The following TEC variants were observed in gnomAD, a reference collection of about 807,000 sequenced individuals.
The protein encoded by TEC is tec protein tyrosine kinase.
TEC carries 72 observed loss-of-function variants against 93.0 expected under a neutral mutation model. The ratio of observed to expected loss-of-function variants is 0.77; its 90% CI spans 0.64 to 0.94. The LOEUF (loss-of-function observed/expected upper bound fraction) is 0.94. TEC is among the 40% of genes least tolerant of loss of function. The pLI is 0.00. For synonymous variants in TEC, 249 were observed against 247.7 expected, an observed-to-expected ratio of 1.01 and a Z score of -0.05; for missense variants, 630 against 757.9, an observed-to-expected ratio of 0.83 and a Z score of 1.98.
At chr4:48,213,404 C>A (rs1722975003) in intron 2 of TEC, among the ~76,000 whole-genome samples, 1 of 152,068 alleles carries the variant, frequency 6.6e-6, no homozygotes, top group South Asian at 2.1e-4. Flanking sequence ...GGTAAGAAGA[C>A]CAAAATGGTA....
At chr4:48,175,392 T>G (rs1477948511) in intron 3 of TEC, among the ~76,000 whole-genome samples, 1 of 152,180 alleles carries the variant, frequency 6.6e-6, no homozygotes, top group Non-Finnish European at 1.5e-5. Context: ...CTAGGGACAT[T>G]CACTGCTCAA....
At chr4:48,137,568 ACT>A (rs1719480071) in intron 17 of TEC, 69 bp from the exon 18 acceptor site, 2 of 1,241,702 alleles carry the variant, frequency 1.6e-6, no homozygotes. Context: ...CACTGCTCCA[ACT>A]CCTAAACACA....
At chr4:48,171,304 C>T in intron 4 of TEC, 64 bp downstream of exon 4, 1 of 1,347,882 alleles carries the variant, frequency 7.4e-7, no homozygotes, top group Non-Finnish European at 1.0e-6. Flanking sequence ...GTATTTCTGT[C>T]TTAATGATAA....
chr4:48,174,241 A>T (rs757184034), intron 3 of TEC, among the ~76,000 whole-genome samples: 13 of 152,160 alleles, frequency 8.5e-5, no homozygotes, highest in Non-Finnish European at 1.8e-4. Context: ...CTTAAAAGCA[A>T]CCCAAAACTT....
intron 17 of TEC, 127 bp from the exon 18 acceptor site, chr4:48,137,626 G>C (rs1387503251): frequency 1.4e-6 from 1 of 735,870 alleles, no homozygotes; most frequent in Admixed American, 2.5e-5. Flanking sequence ...GGACATACAG[G>C]CATCTCCAAA....
intron 15 of TEC, among the ~76,000 whole-genome samples, chr4:48,140,019 G>A (rs994145539): frequency 2.6e-5 from 4 of 152,246 alleles, no homozygotes; most frequent in African/African-American, 9.6e-5. Context: ...CCTAACATAT[G>A]AAGATTGAAC....
chr4:48,259,447 G>A (rs1057234418), intron 1 of TEC, among the ~76,000 whole-genome samples: 4 of 152,194 alleles, frequency 2.6e-5, no homozygotes, highest in African/African-American at 9.6e-5. Flanking sequence ...TGGGCGCAGT[G>A]GCTCATGCCT....
At chr4:48,140,145 T>C (rs1719599970) in intron 15 of TEC, among the ~76,000 whole-genome samples, 1 of 152,186 alleles carries the variant, frequency 6.6e-6, no homozygotes, top group Non-Finnish European at 1.5e-5. Flanking sequence ...TTTCTGACAG[T>C]AACAGTTTTC....
At chr4:48,163,099 C>T (rs766123426) in intron 8 of TEC, among the ~76,000 whole-genome samples, 2 of 152,076 alleles carry the variant, frequency 1.3e-5, no homozygotes, top group Non-Finnish European at 2.9e-5. Context: ...AATTATTGGA[C>T]ATCCACGTGC....
At chr4:48,258,384 C>G (rs1232698126) in intron 1 of TEC, among the ~76,000 whole-genome samples, 11 of 152,126 alleles carry the variant, frequency 7.2e-5, no homozygotes, top group Admixed American at 6.5e-4. Flanking sequence ...CTCAAGTGAT[C>G]CGCCCACCTT....
chr4:48,145,536 T>C lies in TEC; in HGVS notation c.1125A>G (p.Glu375=). 6.2e-7 allele frequency: 1 copy of C among 1,614,136 alleles called. No homozygotes were observed. Among genetic ancestry groups the C allele is most frequent in the Non-Finnish European group, 8.5e-7 (1 of 1,180,008 alleles). Residue 375 remains glutamate, a synonymous_variant, in exon 13 of 18, where the codon GAA becomes GAG. Coordinates refer to ENST00000381501, the MANE Select transcript of TEC (RefSeq NM_003215.3). ...INPSELTFMR[E]LGSGLFGVVR... ...CCACTCCAAACAGTCCACTTCCCAA[T>C]TCCCTCATAAAGGTCAGTTCTGAAG...
intron 14 of TEC, 97 bp from the exon 15 acceptor site, chr4:48,141,516 G>C: frequency 8.2e-7 from 1 of 1,217,642 alleles, no homozygotes. Context: ...GTGTAACCTA[G>C]TCAACATTTG....
intron 1 of TEC, among the ~76,000 whole-genome samples, chr4:48,256,211 G>T (rs1040041942): frequency 1.1e-4 from 16 of 152,044 alleles, no homozygotes; most frequent in Non-Finnish European, 2.9e-5. Flanking sequence ...GCATACAACA[G>T]AACAATGCCA....
In TEC at chr4:48,228,472, C is replaced by A; in HGVS notation, c.138+5G>T. On this transcript the variant is annotated splice_donor_5th_base_variant and intron_variant, in intron 2 of 17. Coordinates refer to ENST00000381501, the MANE Select transcript of TEC (RefSeq NM_003215.3). ...GCAGAAAAGTAAATCGTGATTGTCT[C>A]TTACCTCTGCTCGACCCTCATAGTA... is the stretch of plus-strand genomic sequence containing the variant. 6.3e-7 allele frequency: 1 copy of A among 1,589,898 alleles called. No homozygotes were observed. Among genetic ancestry groups the A allele is most frequent in the Non-Finnish European group, 8.5e-7 (1 of 1,172,632 alleles).
intron 2 of TEC, among the ~76,000 whole-genome samples, chr4:48,198,495 A>G (rs1722380267): frequency 6.6e-6 from 1 of 152,228 alleles, no homozygotes; most frequent in African/African-American, 2.4e-5. Flanking sequence ...ATTAGCTAGA[A>G]GCTCTCAAAA....
At chr4:48,149,268 C>T (rs188213020) in intron 11 of TEC, among the ~76,000 whole-genome samples, 12 of 152,164 alleles carry the variant, frequency 7.9e-5, no homozygotes, top group East Asian at 1.9e-4. Context: ...TCCACAATGG[C>T]GGAACTAATT....
intron 1 of TEC, among the ~76,000 whole-genome samples, chr4:48,258,015 T>C (rs1724390169): frequency 6.6e-6 from 1 of 152,240 alleles, no homozygotes; most frequent in Non-Finnish European, 1.5e-5. Context: ...GAAATTTTTG[T>C]TCCAAGTCAT....
At chr4:48,185,209 T>C (rs1721767298) in intron 2 of TEC, among the ~76,000 whole-genome samples, 1 of 152,090 alleles carries the variant, frequency 6.6e-6, no homozygotes, top group Non-Finnish European at 1.5e-5. Context: ...GAAAAGAAAA[T>C]GAATGACATA....
chr4:48,138,103 T>A (rs1337207720), intron 17 of TEC, among the ~76,000 whole-genome samples: 1 of 152,168 alleles, frequency 6.6e-6, no homozygotes, highest in Admixed American at 6.5e-5. Context: ...CCCTTAATCT[T>A]CTCATCTACA....
Sources: gnomAD v4.1 joint callset for allele counts (sites outside exome capture counted in the v4.1 genomes callset) on GRCh38, gnomAD v4.1.1 for gene constraint, MANE v1.5 for transcripts, NCBI Gene and HGNC (gene_info 2026-07-23, HGNC 2026-07-21) for gene names.